SPOCK3: variants seen among roughly 807,000 people sequenced by gnomAD.
SPOCK3 encodes testican-3.
A neutral mutation model predicts 56.6 loss-of-function variants in SPOCK3; 30 were observed. The ratio of observed to expected loss-of-function variants is 0.53; its 90% confidence interval spans 0.40 to 0.72. The LOEUF (loss-of-function observed/expected upper bound fraction) is 0.72, where lower values mean the gene tolerates loss of function less well. Among genes scored for constraint, SPOCK3 ranks in the 30% least tolerant of loss-of-function variants. SPOCK3 has a pLI of 0.00. For missense variants in SPOCK3, 527 were observed against 530.0 expected, an observed-to-expected ratio of 0.99 and a Z score of 0.06; for synonymous variants, 196 against 183.3, an observed-to-expected ratio of 1.07 and a Z score of -0.56.
intron 2 of SPOCK3, among the ~76,000 whole-genome samples, chr4:167,197,781 G>A (rs1349964871): frequency 6.6e-6 from 1 of 152,114 alleles, no homozygotes; most frequent in Non-Finnish European, 1.5e-5. Context: ...AAAATGAAGT[G>A]AATCCCCAAT....
At chr4:166,925,677 T>A (rs76822988) in intron 4 of SPOCK3, among the ~76,000 whole-genome samples, 1 of 88,998 alleles carries the variant, frequency 1.1e-5, no homozygotes, top group East Asian at 2.0e-4. Context: ...CCAAGGTAAA[T>A]TTTTTTTTTT....
chr4:166,989,506 T>G (rs970296414), intron 4 of SPOCK3, among the ~76,000 whole-genome samples: 6 of 152,204 alleles, frequency 3.9e-5, no homozygotes, highest in Non-Finnish European at 8.8e-5. Flanking sequence ...TTGTGTCTTA[T>G]GTGCTACAGC....
intron 5 of SPOCK3, among the ~76,000 whole-genome samples, chr4:166,894,723 A>T (rs1735182573): frequency 6.6e-6 from 1 of 152,170 alleles, no homozygotes; most frequent in African/African-American, 2.4e-5. Flanking sequence ...CTTCCGGGAA[A>T]AAAAGTAACA....
chr4:167,081,242 A>G (rs1757678616), intron 2 of SPOCK3, among the ~76,000 whole-genome samples: 1 of 152,054 alleles, frequency 6.6e-6, no homozygotes, highest in Non-Finnish European at 1.5e-5. Context: ...AATTTATTCA[A>G]CTGAAAAACT....
rs191480021 is a variant in SPOCK3, at chr4:166,744,258, C to A, written c.932-2199G>T. ...CGAGTGCCCCTCTGAGATGAAGCTT[C>A]CAGAGGAAGGATCAGGCAGCAACAT... is the stretch of plus-strand genomic sequence containing the variant. On this transcript the variant is annotated intron_variant, in intron 8 of 10. Coordinates refer to ENST00000357545, the MANE Select transcript of SPOCK3 (RefSeq NM_001040159.2). Among the ~76,000 whole-genome samples the A allele has an allele frequency of 4.1e-4, 63 of 152,216 alleles. 1 individual carries two copies. The East Asian group carries it at 9.7e-3, about 23-fold the overall frequency.
At chr4:166,988,340 T>C (rs1747389170) in intron 4 of SPOCK3, among the ~76,000 whole-genome samples, 1 of 152,110 alleles carries the variant, frequency 6.6e-6, no homozygotes, top group African/African-American at 2.4e-5. Flanking sequence ...TGCTTTCTCT[T>C]TTCTCTGTGA....
chr4:166,929,176 G>A lies in SPOCK3; in HGVS notation c.351-16433C>T, dbSNP rs532724306. 3.1e-3 allele frequency among the ~76,000 whole-genome samples: 456 copies of A among 145,190 alleles called. 3 individuals are homozygous for A. Among genetic ancestry groups the A allele is most frequent in the Non-Finnish European group, 4.8e-3 (317 of 65,968 alleles). On this transcript the variant is annotated intron_variant, in intron 4 of 10. Transcript: ENST00000357545. ...TGTGAACCAAAACAGCTCTAAAAAA[G>A]TAAGTATTTTAAAAAGAAAGGCAGA...
At chr4:166,769,576 G>C (rs1738643168) in intron 7 of SPOCK3, among the ~76,000 whole-genome samples, 1 of 152,178 alleles carries the variant, frequency 6.6e-6, no homozygotes, top group Non-Finnish European at 1.5e-5. Context: ...ACCTGGCCAT[G>C]TGAGGTGTCA....
At chr4:167,034,331 A>G (rs1210375683) in intron 3 of SPOCK3, among the ~76,000 whole-genome samples, 2 of 151,768 alleles carry the variant, frequency 1.3e-5, no homozygotes, top group Non-Finnish European at 2.9e-5. Flanking sequence ...TATCAAAATA[A>G]CAAAAAAAAA....
intron 3 of SPOCK3, among the ~76,000 whole-genome samples, chr4:167,044,108 T>C (rs1049557389): frequency 1.3e-5 from 2 of 152,040 alleles, no homozygotes; most frequent in Non-Finnish European, 2.9e-5. Context: ...AATTTTTGAC[T>C]CAACATCTTT....
chr4:166,807,776 C>T (rs1048954886), intron 6 of SPOCK3, among the ~76,000 whole-genome samples: 1 of 152,034 alleles, frequency 6.6e-6, no homozygotes, highest in African/African-American at 2.4e-5. Flanking sequence ...TATTTGTATT[C>T]CTTCCTAGAT....
intron 3 of SPOCK3, among the ~76,000 whole-genome samples, chr4:167,050,268 C>A (rs1229816844): frequency 6.6e-6 from 1 of 152,110 alleles, no homozygotes; most frequent in African/African-American, 2.4e-5. Flanking sequence ...AAGAAAATGA[C>A]AGAAATGAAT....
chr4:167,192,069 T>C (rs1191924092), intron 2 of SPOCK3, among the ~76,000 whole-genome samples: 1 of 146,060 alleles, frequency 6.8e-6, no homozygotes, highest in Non-Finnish European at 1.5e-5. Context: ...TCTGTTAATG[T>C]CATATATCAC....
chr4:166,966,281 G>A lies in SPOCK3; in HGVS notation c.350+34068C>T, dbSNP rs72697579. ...CGTCAAGTGTTTTCTTGAAGTGACA[G>A]ATTTACTTCACTCATTATTGAAAAT... On this transcript the variant is annotated intron_variant, in intron 4 of 10. Coordinates refer to ENST00000357545, the MANE Select transcript of SPOCK3 (RefSeq NM_001040159.2). 6.0e-4 allele frequency among the ~76,000 whole-genome samples: 90 copies of A among 149,948 alleles called. 2 individuals carry two copies. The highest frequency in any genetic ancestry group is 9.6e-4 in the Non-Finnish European group (65 of 67,636).
At chr4:166,775,501 G>T (rs939423879) in intron 7 of SPOCK3, among the ~76,000 whole-genome samples, 2 of 152,100 alleles carry the variant, frequency 1.3e-5, no homozygotes, top group African/African-American at 4.8e-5. Context: ...GAGAAGATTG[G>T]AACACAAAGT....
chr4:167,169,713 G>T (rs1218485248), intron 2 of SPOCK3, among the ~76,000 whole-genome samples: 2 of 146,982 alleles, frequency 1.4e-5, no homozygotes, highest in East Asian at 3.9e-4. Context: ...GAGGACATGA[G>T]ATTTTTGAGG....
chr4:167,056,794 C>T (rs1754926521), intron 3 of SPOCK3, among the ~76,000 whole-genome samples: 1 of 152,086 alleles, frequency 6.6e-6, no homozygotes, highest in South Asian at 2.1e-4. Flanking sequence ...TGTGAAAAGA[C>T]CAAATCTACG....
intron 2 of SPOCK3, among the ~76,000 whole-genome samples, chr4:167,087,936 G>A (rs1384066942): frequency 1.1e-4 from 16 of 151,442 alleles, no homozygotes. Context: ...TGTTTTTATG[G>A]AACCAGAAAA....
At chr4:167,027,297 C>T (rs775481220) in intron 3 of SPOCK3, among the ~76,000 whole-genome samples, 5 of 151,892 alleles carry the variant, frequency 3.3e-5, no homozygotes, top group Non-Finnish European at 7.4e-5. Context: ...CACTTTTCAT[C>T]CACTTTCTCA....
Sources: gnomAD v4.1 joint callset for allele counts (sites outside exome capture counted in the v4.1 genomes callset) on GRCh38, gnomAD v4.1.1 for gene constraint, MANE v1.5 for transcripts, NCBI Gene and HGNC (gene_info 2026-07-23, HGNC 2026-07-21) for gene names.